CDKL2: variants seen among roughly 807,000 people sequenced by gnomAD.
CDKL2 encodes the protein cyclin dependent kinase like 2.
CDKL2 carries 64 observed loss-of-function variants against 63.9 expected under a neutral mutation model. The ratio of observed to expected loss-of-function variants is 1.00; its 90% CI spans 0.82 to 1.23. CDKL2 has a LOEUF of 1.23. CDKL2 is among the 50% of genes most tolerant of loss of function. The pLI, the probability that CDKL2 is intolerant of heterozygous loss-of-function variation, is 0.00. For missense variants in CDKL2, 656 were observed against 668.0 expected, an observed-to-expected ratio of 0.98 and a Z score of 0.20; for synonymous variants, 211 against 229.2, an observed-to-expected ratio of 0.92 and a Z score of 0.72.
chr4:75,622,848 A>G (rs1730223600), intron 2 of CDKL2, among the ~76,000 whole-genome samples: 1 of 152,096 alleles, frequency 6.6e-6, no homozygotes, highest in African/African-American at 2.4e-5. Context: ...TAAATTCAAT[A>G]AATTCCTAGA....
Position 75,607,275 on chromosome 4 carries a change from T to A in CDKL2, c.450A>T (p.Thr150=), listed in dbSNP as rs1729460759. ...VKLCDFGFAR[T]LAAPGEVYTD... ...TATAAACCTCCCCAGGAGCTGCCAA[T>A]GTTCGCGCAAATCCAAAATCGCATA... is the stretch of plus-strand genomic sequence containing the variant. Residue 150 remains threonine (T), a synonymous_variant, in exon 4 of 14, where the codon ACA becomes ACT. Transcript: ENST00000307465. The A allele has an allele frequency of 1.2e-6, 2 of 1,614,152 alleles. No homozygotes were observed. Among genetic ancestry groups the A allele is most frequent in the African/African-American group, 1.3e-5 (1 of 75,066 alleles).
intron 13 of CDKL2, among the ~76,000 whole-genome samples, chr4:75,581,164 T>C (rs990246243): frequency 2.0e-5 from 3 of 152,228 alleles, no homozygotes; most frequent in African/African-American, 7.2e-5. Flanking sequence ...TCCCATAGAT[T>C]ATCATGAAGC....
At chr4:75,594,380 G>A (rs1454241217) in intron 10 of CDKL2, among the ~76,000 whole-genome samples, 2 of 152,086 alleles carry the variant, frequency 1.3e-5, no homozygotes, top group East Asian at 1.9e-4. Flanking sequence ...TCTGGGAGGC[G>A]GAGGTTGCAG....
chr4:75,622,775 A>G (rs148540355), intron 2 of CDKL2, among the ~76,000 whole-genome samples: 71 of 148,888 alleles, frequency 4.8e-4, no homozygotes, highest in Non-Finnish European at 8.2e-4. Context: ...CAAAAGGATT[A>G]TACAATGTTC....
Position 75,597,230 on chromosome 4 carries a change from T to A in CDKL2, c.1027A>T (p.Asn343Tyr), listed in dbSNP as rs1353864300. The change falls in exon 9 of 14, where the codon AAT becomes TAT. Residue 343 changes from asparagine (N) to tyrosine (Y), a missense_variant. Asn to Tyr is a moderately radical substitution (Grantham distance 143, BLOSUM62 -2). Transcript: ENST00000307465. ...TAATCCTTAATTTTGGGATCAGCAT[T>A]GGTATCCTGATCATTAACAAAAATA... ...ERKTLVVQDT[N>Y]ADPKIKDYKL... 1 of 1,580,562 alleles carries A rather than the reference T, an allele frequency of 6.3e-7. No homozygotes were observed.
At position 75,628,147 on chromosome 4, in the gene CDKL2, G is replaced by T. The variant is rs113072511; in HGVS notation, c.-30+1895C>A. Among the ~76,000 whole-genome samples, 531 of 137,780 alleles carry T rather than the reference G, an allele frequency of 3.9e-3. 2 individuals are homozygous for T. The highest frequency in any genetic ancestry group is 0.013 in the African/African-American group (486 of 36,764). 90.4% of individuals were successfully genotyped at this position (137,780 alleles called of 152,430 possible). A position where few individuals can be genotyped will look rare whatever the true frequency, so the allele number is the denominator to read the frequency against. The stretch of plus-strand genomic sequence containing the variant: ...TTTTTTTTTTTTGAGACGGAGTCTT[G>T]CTCTGTCGCCCAGGCTGGAGTGCAG... On this transcript the variant is annotated intron_variant, in intron 1 of 13. Coordinates refer to ENST00000307465, the MANE Select transcript of CDKL2 (RefSeq NM_001330724.2).
intron 8 of CDKL2, 24 bp downstream of exon 8, chr4:75,598,046 TAAATCTA>T: frequency 7.3e-7 from 1 of 1,374,988 alleles, no homozygotes; most frequent in Non-Finnish European, 9.8e-7. Flanking sequence ...ATAAGTATAT[TAAATCTA>T]AAATGTGAAA....
At chr4:75,603,770 A>G (rs956306126) in intron 6 of CDKL2, 47 bp downstream of exon 6, 2 of 1,154,390 alleles carry the variant, frequency 1.7e-6, no homozygotes, top group Non-Finnish European at 2.4e-6. Context: ...AGGTCTTGAT[A>G]GTGCATAAAT....
chr4:75,603,957 C>T lies in CDKL2; in HGVS notation c.656-1G>A. On this transcript the variant is annotated splice_acceptor_variant, in intron 5 of 13. Transcript: ENST00000307465. LOFTEE classifies it high-confidence loss of function. Reference sequence around the variant, plus strand: ...TCCTGATGCCTTGGAATTAGATTACCTGGAAGTGAAAACAGCACATATCTC... The same window carrying T: ...TCCTGATGCCTTGGAATTAGATTACTTGGAAGTGAAAACAGCACATATCTC... 2 of 1,603,994 alleles carry T rather than the reference C, an allele frequency of 1.2e-6. No homozygotes were observed. The highest frequency in any genetic ancestry group is 1.7e-6 in the Non-Finnish European group (2 of 1,177,216).
chr4:75,593,864 TCACACACACACAAACA>T (rs1728806691), intron 10 of CDKL2, among the ~76,000 whole-genome samples: 2 of 152,070 alleles, frequency 1.3e-5, no homozygotes, highest in Admixed American at 6.6e-5. Flanking sequence ...GAAATTTGTC[TCACACACACACAAACA>T]CACACACACA....
In CDKL2 at chr4:75,618,412, G is replaced by A. The variant is rs146437739; in HGVS notation, c.169-3963C>T. On this transcript the variant is annotated intron_variant, in intron 2 of 13. Transcript: ENST00000307465. ...TGGGATTACAGACATGCGCCACCAT[G>A]CCCAGCTAATTTTGTATTTTTAGTA... 3.9e-3 allele frequency among the ~76,000 whole-genome samples: 594 copies of A among 151,370 alleles called. 6 individuals are homozygous for A. Among genetic ancestry groups the A allele is most frequent in the African/African-American group, 0.013 (554 of 41,258 alleles).
At chr4:75,591,984 T>C (rs1728735418) in intron 11 of CDKL2, 59 bp from the exon 12 acceptor site, 1 of 1,422,862 alleles carries the variant, frequency 7.0e-7, no homozygotes, top group East Asian at 2.5e-5. Context: ...AGTTTTTAGT[T>C]TTTCACATTC....
chr4:75,629,269 G>A (rs928397691), intron 1 of CDKL2, among the ~76,000 whole-genome samples: 1 of 152,128 alleles, frequency 6.6e-6, no homozygotes, highest in African/African-American at 2.4e-5. Flanking sequence ...AAAGCACAAA[G>A]TGAACCAAAA....
chr4:75,619,292 C>G lies in CDKL2; in HGVS notation c.169-4843G>C, dbSNP rs1168221368. On this transcript the variant is annotated intron_variant, in intron 2 of 13. Transcript: ENST00000307465. ...AATACAGGAAGCCCCACTTTTAGGGCTGAAGGAAAATACATAGGGACAAGA... is the reference window on the plus strand; with the variant it reads ...AATACAGGAAGCCCCACTTTTAGGGGTGAAGGAAAATACATAGGGACAAGA... Among the ~76,000 whole-genome samples, 4 of 151,962 alleles carry G rather than the reference C, an allele frequency of 2.6e-5. No homozygotes were observed. The East Asian group carries it at 7.7e-4, about 29-fold the overall frequency.
chr4:75,611,461 A>C (rs1206282150), intron 3 of CDKL2, among the ~76,000 whole-genome samples: 2 of 59,800 alleles, frequency 3.3e-5, no homozygotes, highest in Admixed American at 2.6e-4. Flanking sequence ...TCTGTCTCAA[A>C]AAAAAAAAAA....
At chr4:75,603,473 A>G (rs536705850) in intron 6 of CDKL2, among the ~76,000 whole-genome samples, 70 of 151,166 alleles carry the variant, frequency 4.6e-4, no homozygotes, top group South Asian at 2.5e-3. Flanking sequence ...GCTCACACCT[A>G]TAATCCCAGC....
chr4:75,597,881 A>C (rs1049285997), intron 8 of CDKL2, among the ~76,000 whole-genome samples, 196 bp downstream of exon 8: 1 of 152,238 alleles, frequency 6.6e-6, no homozygotes, highest in Non-Finnish European at 1.5e-5. Context: ...AGTCTGGCAC[A>C]TAACAGGTAC....
intron 1 of CDKL2, among the ~76,000 whole-genome samples, chr4:75,628,838 T>C (rs184613186): frequency 6.6e-6 from 1 of 152,262 alleles, no homozygotes; most frequent in African/African-American, 2.4e-5. Flanking sequence ...TAGTTTGAGA[T>C]TTTATAATAT....
chr4:75,605,418 A>G (rs933276764), intron 5 of CDKL2, 104 bp downstream of exon 5: 33 of 673,592 alleles, frequency 4.9e-5, no homozygotes, highest in African/African-American at 3.1e-4. Flanking sequence ...CACTTAAAAC[A>G]TATATAATCT....
Sources: allele counts gnomAD v4.1 joint callset (sites outside exome capture counted in the v4.1 genomes callset), GRCh38; gene constraint gnomAD v4.1.1; transcripts MANE v1.5; gene names NCBI Gene and HGNC (gene_info 2026-07-23, HGNC 2026-07-21).